Variants in RAB11FIP3 observed in about 807,000 individuals in gnomAD.
RAB11FIP3 encodes RAB11 family interacting protein 3.
RAB11FIP3 carries 17 observed loss-of-function variants against 77.8 expected under a neutral mutation model. The observed-to-expected ratio is 0.22, with a 90% confidence interval of 0.15 to 0.33. The LOEUF (loss-of-function observed/expected upper bound fraction) is 0.33. RAB11FIP3 is among the 10% of genes least tolerant of loss of function. The pLI is 1.00. For synonymous variants in RAB11FIP3, 437 were observed against 448.2 expected, an observed-to-expected ratio of 0.98 and a Z score of 0.31; for missense variants, 1,005 against 1,011.2, an observed-to-expected ratio of 0.99 and a Z score of 0.08.
In RAB11FIP3 at chr16:489,031, TC is replaced by T. The variant is rs762022224; in HGVS notation, c.1265+34del. The T allele has an allele frequency of 1.3e-5, 20 of 1,598,972 alleles. No homozygotes were observed. In the South Asian group the frequency reaches 2.2e-4, roughly 18 times the overall value. Reference sequence around the variant, plus strand: ...GACGCCTTGTTCCAGCACACCCTCCTCCCTCTTCTTCCCGTGGTTAGTAGTG... The same window carrying T: ...GACGCCTTGTTCCAGCACACCCTCCTCCTCTTCTTCCCGTGGTTAGTAGTG... On this transcript the variant is annotated intron_variant, in intron 5 of 13. Coordinates refer to ENST00000262305, the MANE Select transcript of RAB11FIP3 (RefSeq NM_014700.4).
chr16:479,731 G>A (rs568795507), intron 3 of RAB11FIP3, among the ~76,000 whole-genome samples: 102 of 152,054 alleles, frequency 6.7e-4, no homozygotes, highest in Non-Finnish European at 7.5e-4. Context: ...AAGACAGCCT[G>A]GAAAACAAGG....
At chr16:508,665 C>T (rs541812965) in intron 8 of RAB11FIP3, among the ~76,000 whole-genome samples, 4 of 152,100 alleles carry the variant, frequency 2.6e-5, no homozygotes, top group East Asian at 1.9e-4. Flanking sequence ...TGAGCCACCG[C>T]GCCTGGCCTA....
intron 2 of RAB11FIP3, among the ~76,000 whole-genome samples, chr16:464,537 TCTAA>T (rs1453177137): frequency 1.3e-5 from 2 of 152,200 alleles, no homozygotes; most frequent in East Asian, 1.9e-4. Context: ...GAGTTTGTTC[TCTAA>T]CTGATTCACC....
chr16:501,533 T>TC (rs1180054622), intron 6 of RAB11FIP3, among the ~76,000 whole-genome samples: 20 of 82,810 alleles, frequency 2.4e-4, no homozygotes, highest in African/African-American at 5.8e-4. Flanking sequence ...TCGGAGAGGG[T>TC]CCCCCATTTC....
At chr16:449,144 C>T (rs922821508) in intron 1 of RAB11FIP3, among the ~76,000 whole-genome samples, 35 of 152,100 alleles carry the variant, frequency 2.3e-4, no homozygotes, top group African/African-American at 8.2e-4. Flanking sequence ...CAGCTGCCGG[C>T]CCCCTGCTCA....
At position 471,089 on chromosome 16, in the gene RAB11FIP3, C is replaced by T. The variant is rs563443421; in HGVS notation, c.809-206C>T. 6.6e-6 allele frequency among the ~76,000 whole-genome samples: 1 copy of T among 151,920 alleles called. No homozygotes were observed. Among genetic ancestry groups the T allele is most frequent in the Non-Finnish European group, 1.5e-5 (1 of 67,992 alleles). On this transcript the variant is annotated intron_variant, in intron 2 of 13. Transcript: ENST00000262305. This position sits in a 1 kb window ranked among gnomAD's most constrained non-coding sequence, Gnocchi z 4.4. Reference sequence around the variant, plus strand: ...CCAGAAGCCTTGTTCCTGTGGGCAACGCATCTCTGACCCGTTGGCAAGGCT... The same window carrying T: ...CCAGAAGCCTTGTTCCTGTGGGCAATGCATCTCTGACCCGTTGGCAAGGCT...
chr16:437,761 T>G, intron 1 of RAB11FIP3, among the ~76,000 whole-genome samples: 1 of 152,060 alleles, frequency 6.6e-6, no homozygotes, highest in East Asian at 1.9e-4. Context: ...AGTGAAAAAT[T>G]CTTAATGAAA....
In RAB11FIP3 at chr16:489,008, C is replaced by T. The variant is rs758421303; in HGVS notation, c.1265+8C>T. 1.2e-5 allele frequency: 19 copies of T among 1,611,552 alleles called. No homozygotes were observed. In the Admixed American group the frequency reaches 1.3e-4, roughly 11 times the overall value. On this transcript the variant is annotated splice_region_variant and intron_variant, in intron 5 of 13. Transcript: ENST00000262305. ...CGCTTTCCTCACGCCCAGGTAATGA[C>T]GCCTTGTTCCAGCACACCCTCCTCC...
rs2055834510 is a variant in RAB11FIP3 at position 472,946 on chromosome 16, G to A, written c.903+1557G>A. Among the ~76,000 whole-genome samples the A allele has an allele frequency of 6.6e-6, 1 of 152,192 alleles. No homozygotes were observed. ...ACCATAGGAAGACAGGGCAGAGACT[G>A]ACCAGAGCCAGGGAACTCCTGGGGC... is the stretch of plus-strand genomic sequence containing the variant. On this transcript the variant is annotated intron_variant, in intron 3 of 13. Transcript: ENST00000262305. This position sits in a 1 kb window ranked among gnomAD's most constrained non-coding sequence, Gnocchi z 4.1.
Position 510,733 on chromosome 16 carries a change from C to T in RAB11FIP3, c.1573C>T (p.Arg525Cys), listed in dbSNP as rs747174025. 94 of 1,613,112 alleles carry T rather than the reference C, an allele frequency of 5.8e-5. No individual in the cohort carries two copies. Among genetic ancestry groups the T allele is most frequent in the Non-Finnish European group, 7.5e-5 (88 of 1,179,856 alleles). The stretch of plus-strand genomic sequence containing the variant: ...CGAGATGGTCCTGGAAGAGACCCGG[C>T]GTCAGAAGGAGCTCCTGTGCAAGAT... ...ACEMVLEETRRQKELLCKMER... is the reference protein window; with the variant it reads ...ACEMVLEETRCQKELLCKMER... Residue 525 changes from arginine (R) to cysteine (C), a missense_variant, in exon 9 of 14, where the codon CGT becomes TGT. Arg to Cys is a radical substitution (Grantham distance 180, BLOSUM62 -3). Coordinates refer to ENST00000262305, the MANE Select transcript of RAB11FIP3 (RefSeq NM_014700.4).
chr16:475,302 C>T (rs985880933), intron 3 of RAB11FIP3, among the ~76,000 whole-genome samples: 1 of 152,198 alleles, frequency 6.6e-6, no homozygotes, highest in Admixed American at 6.5e-5. Flanking sequence ...GCGACGTTTT[C>T]CAAGATGCAC....
At position 434,434 on chromosome 16, in the gene RAB11FIP3, T is replaced by C. The variant is rs377489730; in HGVS notation, c.714+7714T>C. On this transcript the variant is annotated intron_variant, in intron 1 of 13. Transcript: ENST00000262305. The stretch of plus-strand genomic sequence containing the variant: ...CCACTGCACCCTGCCAGATGTATAC[T>C]TTATTTTTTTGATATAGAGTCTCAC... 2.4e-4 allele frequency among the ~76,000 whole-genome samples: 36 copies of C among 151,536 alleles called. No individual in the cohort carries two copies. The East Asian group carries it at 6.1e-3, about 26-fold the overall frequency.
At position 510,777 on chromosome 16, in the gene RAB11FIP3, T is replaced by C; in HGVS notation, c.1617T>C (p.Ile539=). The part of the protein sequence containing the change: ...LLCKMEREKS[I]EIENLQTRLQ... ...GCAAGATGGAGAGGGAGAAGAGCAT[T>C]GAGATCGAGAACCTGCAGACCAGGT... is the stretch of plus-strand genomic sequence containing the variant. Residue 539 remains isoleucine, a synonymous_variant, in exon 9 of 14, where the codon ATT becomes ATC. Transcript: ENST00000262305. 1 of 1,613,184 alleles carries C rather than the reference T, an allele frequency of 6.2e-7. No homozygotes were observed. The highest frequency in any genetic ancestry group is 8.5e-7 in the Non-Finnish European group (1 of 1,179,764).
intron 8 of RAB11FIP3, chr16:510,412 G>T (rs1596296945): frequency 2.1e-6 from 1 of 476,672 alleles, no homozygotes; most frequent in Non-Finnish European, 3.8e-6. Flanking sequence ...GTGGGTATCA[G>T]CTGGGCCTAG....
At position 505,465 on chromosome 16, in the gene RAB11FIP3, G is replaced by T. The variant is rs533720143; in HGVS notation, c.1396-59G>T. On this transcript the variant is annotated intron_variant, in intron 7 of 13. Transcript: ENST00000262305. The surrounding 1 kb of genome is among the most constrained non-coding windows in gnomAD (Gnocchi z 4.0). ...GGCGGCCTCCCAGGTTGTTCCCTTGGGGGTGCAGGCCCTTCTGCTTCTGGC... is the reference window on the plus strand; with the variant it reads ...GGCGGCCTCCCAGGTTGTTCCCTTGTGGGTGCAGGCCCTTCTGCTTCTGGC... 3.1e-5 allele frequency: 44 copies of T among 1,403,198 alleles called. No homozygotes were observed. Among genetic ancestry groups the T allele is most frequent in the Non-Finnish European group, 4.0e-5 (41 of 1,023,724 alleles). The allele number at this position is 1,403,198 out of a possible 1,614,324, so 86.9% of individuals were successfully genotyped here. A position where few individuals can be genotyped will look rare whatever the true frequency, so the allele number is the denominator to read the frequency against.
chr16:480,720 G>A (rs113721422), intron 3 of RAB11FIP3, among the ~76,000 whole-genome samples: 14,691 of 151,220 alleles, frequency 0.097, 864 homozygotes, highest in East Asian at 0.19. Context: ...GACTGGTCTC[G>A]AACTCCTGAC....
chr16:440,749 AGACCAGCCATGCTGGGG>A, intron 1 of RAB11FIP3, among the ~76,000 whole-genome samples: 1 of 152,348 alleles, frequency 6.6e-6, no homozygotes, highest in Non-Finnish European at 1.5e-5. Flanking sequence ...TTAGTTCTGG[AGACCAGCCATGCTGGGG>A]GATCAGGAAG....
intron 5 of RAB11FIP3, among the ~76,000 whole-genome samples, chr16:490,245 C>G (rs1321834198): frequency 2.0e-5 from 3 of 152,252 alleles, no homozygotes; most frequent in African/African-American, 7.2e-5. Flanking sequence ...TGCCTTTGCT[C>G]CTTTGCCTTC....
chr16:467,152 AGAG>A (rs1332869411), intron 2 of RAB11FIP3, among the ~76,000 whole-genome samples: 3 of 152,194 alleles, frequency 2.0e-5, no homozygotes, highest in Admixed American at 1.3e-4. Context: ...CTAGGGAGGC[AGAG>A]GAGTGGGGAG....
Sources: allele counts gnomAD v4.1 joint callset (sites outside exome capture counted in the v4.1 genomes callset), GRCh38; gene constraint gnomAD v4.1.1; non-coding constraint Gnocchi (gnomAD v3.1); transcripts MANE v1.5; gene names NCBI Gene and HGNC (gene_info 2026-07-23, HGNC 2026-07-21).